The following CFAP299 variants were observed in gnomAD, a reference collection of about 807,000 sequenced individuals.
The protein encoded by CFAP299 is cilia and flagella associated protein 299, also known as cilia- and flagella-associated protein 299.
A neutral mutation model predicts 27.0 loss-of-function variants in CFAP299; 21 were observed. That is an observed-to-expected ratio of 0.78 (90% CI 0.55 to 1.12). The LOEUF (loss-of-function observed/expected upper bound fraction) is 1.12. Among genes scored for constraint, CFAP299 ranks in the 50% most tolerant of loss-of-function variants. The pLI, the probability that CFAP299 is intolerant of heterozygous loss-of-function variation, is 0.00. For missense variants in CFAP299, 310 were observed against 276.6 expected (o/e 1.12, Z -0.86); for synonymous variants, 104 against 98.1 (o/e 1.06, Z -0.36).
At chr4:80,393,694 C>T (rs1299731608) in intron 2 of CFAP299, among the ~76,000 whole-genome samples, 2 of 151,950 alleles carry the variant, frequency 1.3e-5, no homozygotes, top group Non-Finnish European at 2.9e-5. Flanking sequence ...TAGGCTATAC[C>T]ATCTAGGTTT....
rs1489512617 is a variant in CFAP299, at chr4:80,386,514, G to C, written c.242+23630G>C. On this transcript the variant is annotated intron_variant, in intron 2 of 5. Transcript: ENST00000358105. The stretch of plus-strand genomic sequence containing the variant: ...TGCCCTCTTCTCGCGGGCGGTGGTG[G>C]GGGGGGGGGGTGCCGCCGGGTTTGC... 1,258 of 1,023,086 alleles carry C rather than the reference G, an allele frequency of 1.2e-3. No homozygotes were observed. In the African/African-American group the frequency reaches 0.022, roughly 18 times the overall value. 63.4% of individuals were successfully genotyped at this position (1,023,086 alleles called of 1,614,324 possible).
chr4:80,892,850 T>A (rs1734410026), intron 4 of CFAP299, among the ~76,000 whole-genome samples: 1 of 152,046 alleles, frequency 6.6e-6, no homozygotes. Context: ...GCGCTTCTAC[T>A]CAATATAGTA....
chr4:80,498,385 TAAAC>T (rs1251236679), intron 2 of CFAP299, among the ~76,000 whole-genome samples: 4 of 151,796 alleles, frequency 2.6e-5, no homozygotes, highest in African/African-American at 4.8e-5. Flanking sequence ...ATAAGGAACT[TAAAC>T]AAATTAACAA....
intron 3 of CFAP299, among the ~76,000 whole-genome samples, chr4:80,820,703 A>G (rs577803843): frequency 8.5e-5 from 13 of 152,296 alleles, no homozygotes; most frequent in African/African-American, 3.1e-4. Context: ...GGGTGGGCAG[A>G]CAGGGGCTAA....
At chr4:80,510,917 C>T (rs758652546) in intron 2 of CFAP299, among the ~76,000 whole-genome samples, 14 of 152,154 alleles carry the variant, frequency 9.2e-5, no homozygotes, top group Non-Finnish European at 1.3e-4. Context: ...ATATTCAGTA[C>T]TTTATTCTGA....
intron 4 of CFAP299, among the ~76,000 whole-genome samples, chr4:80,876,811 AT>A (rs201032516): frequency 6.6e-6 from 1 of 150,762 alleles, no homozygotes; most frequent in Admixed American, 6.6e-5. Flanking sequence ...CCCAGGTCAT[AT>A]TTTTTTTTGT....
intron 2 of CFAP299, among the ~76,000 whole-genome samples, chr4:80,412,043 T>C (rs1326961814): frequency 6.6e-6 from 1 of 152,148 alleles, no homozygotes; most frequent in African/African-American, 2.4e-5. Context: ...TTTTATGGAA[T>C]AAGAAAGTGA....
At chr4:80,493,882 TCTC>T (rs1171931984) in intron 2 of CFAP299, among the ~76,000 whole-genome samples, 2 of 147,512 alleles carry the variant, frequency 1.4e-5, no homozygotes, top group Non-Finnish European at 3.0e-5. Context: ...TTCACGCCAT[TCTC>T]CTGCCTCAGC....
chr4:80,697,631 A>G (rs1234337126), intron 3 of CFAP299, among the ~76,000 whole-genome samples: 3 of 152,178 alleles, frequency 2.0e-5, no homozygotes, highest in Admixed American at 2.0e-4. Flanking sequence ...ACTCCCTGGG[A>G]TGGATCATGG....
intron 3 of CFAP299, among the ~76,000 whole-genome samples, chr4:80,855,808 G>T (rs1051569854): frequency 6.6e-6 from 1 of 151,960 alleles, no homozygotes; most frequent in African/African-American, 2.4e-5. Flanking sequence ...GTCTATCATT[G>T]TTGGACATTT....
intron 2 of CFAP299, among the ~76,000 whole-genome samples, chr4:80,566,732 A>C (rs1190063251): frequency 6.6e-6 from 1 of 152,086 alleles, no homozygotes; most frequent in Non-Finnish European, 1.5e-5. Flanking sequence ...TGTAAATATA[A>C]CCAGCAGGTC....
In CFAP299 at chr4:80,393,059, A is replaced by ATGATCC. The variant is rs567938205; in HGVS notation, c.242+30179_242+30184dup. Among the ~76,000 whole-genome samples the ATGATCC allele has an allele frequency of 2.4e-4, 37 of 152,288 alleles. No homozygotes were observed. In the East Asian group the frequency reaches 3.7e-3, roughly 15 times the overall value. ...TTGGAGAGGGAAGACAGTGATATTG[A>ATGATCC]TGATCCTGACCCTGTGTAGGCTTAG... On this transcript the variant is annotated intron_variant, in intron 2 of 5. Coordinates refer to ENST00000358105, the MANE Select transcript of CFAP299 (RefSeq NM_152770.3).
intron 3 of CFAP299, among the ~76,000 whole-genome samples, chr4:80,849,673 C>T (rs1217854273): frequency 1.3e-4 from 19 of 151,998 alleles, no homozygotes; most frequent in Admixed American, 1.2e-3. Context: ...AAAAGTTGAT[C>T]TCATAAAAGT....
At chr4:80,458,434 T>C (rs143670117) in intron 2 of CFAP299, among the ~76,000 whole-genome samples, 2 of 152,254 alleles carry the variant, frequency 1.3e-5, no homozygotes, top group East Asian at 3.9e-4. Context: ...CAAAGGTTTT[T>C]AACTTTTAAA....
At chr4:80,903,062 T>C (rs1486856339) in intron 4 of CFAP299, among the ~76,000 whole-genome samples, 1 of 152,112 alleles carries the variant, frequency 6.6e-6, no homozygotes, top group Non-Finnish European at 1.5e-5. Flanking sequence ...GCCTTGTAAA[T>C]GGATTTACTG....
intron 2 of CFAP299, chr4:80,387,113 G>T: frequency 6.9e-7 from 1 of 1,442,450 alleles, no homozygotes; most frequent in Non-Finnish European, 9.8e-7. Context: ...CCTCTGGGGT[G>T]GATATTTGTT....
At chr4:80,902,797 AT>A (rs1734995698) in intron 4 of CFAP299, among the ~76,000 whole-genome samples, 1 of 151,860 alleles carries the variant, frequency 6.6e-6, no homozygotes, top group East Asian at 1.9e-4. Flanking sequence ...TTTACCTCCA[AT>A]TGGTTTTATA....
intron 2 of CFAP299, among the ~76,000 whole-genome samples, chr4:80,472,563 T>G (rs1339199404): frequency 6.6e-6 from 1 of 152,166 alleles, no homozygotes; most frequent in Non-Finnish European, 1.5e-5. Context: ...TAACACCATG[T>G]TTGTGAGGAC....
intron 2 of CFAP299, among the ~76,000 whole-genome samples, chr4:80,497,674 A>G (rs1731524817): frequency 6.6e-6 from 1 of 152,154 alleles, no homozygotes; most frequent in South Asian, 2.1e-4. Context: ...AGATCATACC[A>G]TACATTCCAC....
Sources: gnomAD v4.1 joint callset for allele counts (sites outside exome capture counted in the v4.1 genomes callset) on GRCh38, gnomAD v4.1.1 for gene constraint, MANE v1.5 for transcripts, NCBI Gene and HGNC (gene_info 2026-07-23, HGNC 2026-07-21) for gene names.